Variants in GALNT15 observed in about 807,000 individuals in gnomAD.
The protein encoded by GALNT15 is polypeptide N-acetylgalactosaminyltransferase 15.
A neutral mutation model predicts 66.8 loss-of-function variants in GALNT15; 67 were observed. That is an observed-to-expected ratio of 1.00 (90% CI 0.82 to 1.23). GALNT15 has a LOEUF of 1.23. Ranked by LOEUF, GALNT15 falls within the 50% of genes most tolerant of loss-of-function variation. The pLI is 0.00. For missense variants in GALNT15, 827 were observed against 804.3 expected (o/e 1.03, Z -0.34); for synonymous variants, 313 against 311.5 (o/e 1.00, Z -0.05).
At chr3:16,220,572 ACTT>A (rs2063932147) in intron 8 of GALNT15, among the ~76,000 whole-genome samples, 1 of 152,216 alleles carries the variant, frequency 6.6e-6, no homozygotes. Flanking sequence ...TGGTAGGTCC[ACTT>A]CTTTTCACAA....
In GALNT15 at chr3:16,175,270, T is replaced by C; in HGVS notation, c.119T>C (p.Leu40Pro). ...VAMLHPPHHT[L>P]HQTVTAQASK... The stretch of plus-strand genomic sequence containing the variant: ...ATGTTGCACCCTCCCCACCACACCC[T>C]GCACCAGACTGTCACAGCCCAAGCC... Residue 40 changes from leucine to proline, a missense_variant, in exon 1 of 10, where the codon CTG (leucine) becomes CCG (proline). Transcript: ENST00000339732. This position sits in a 1 kb window ranked among gnomAD's most constrained non-coding sequence, Gnocchi z 5.6. The C allele has an allele frequency of 6.2e-7, 1 of 1,614,134 alleles. No homozygotes were observed. Among genetic ancestry groups the C allele is most frequent in the Non-Finnish European group, 8.5e-7 (1 of 1,180,022 alleles).
Position 16,203,570 on chromosome 3 carries a change from C to G in GALNT15, c.911+2747C>G, listed in dbSNP as rs1374192560. Among the ~76,000 whole-genome samples, 2 of 150,008 alleles carry G rather than the reference C, an allele frequency of 1.3e-5. No individual in the cohort carries two copies. Among genetic ancestry groups the G allele is most frequent in the Non-Finnish European group, 3.0e-5 (2 of 67,298 alleles). ...ACACACACACACACACACACACACA[C>G]ACACACACACACACACACAGTGGGC... On this transcript the variant is annotated intron_variant, in intron 3 of 9. Transcript: ENST00000339732. The surrounding 1 kb of genome is among the most constrained non-coding windows in gnomAD (Gnocchi z 6.2).
rs1438667954 is a variant in GALNT15 at position 16,204,053 on chromosome 3, A to G, written c.911+3230A>G. Among the ~76,000 whole-genome samples the G allele has an allele frequency of 7.2e-6, 1 of 139,558 alleles. No individual in the cohort carries two copies. The highest frequency in any genetic ancestry group is 1.5e-5 in the Non-Finnish European group (1 of 64,918). 91.6% of individuals were successfully genotyped at this position (139,558 alleles called of 152,430 possible). On this transcript the variant is annotated intron_variant, in intron 3 of 9. Transcript: ENST00000339732. The surrounding 1 kb of genome is among the most constrained non-coding windows in gnomAD (Gnocchi z 4.5). ...GAAAAGGGTCTTTAAGAGCTCTTAT[A>G]AAAAAAAAAAAGTGGGGTGGGAGTG...
chr3:16,217,667 A>G (rs568578200), intron 6 of GALNT15, among the ~76,000 whole-genome samples: 114 of 152,324 alleles, frequency 7.5e-4, no homozygotes, highest in African/African-American at 2.7e-3. Context: ...TCTCTCAGAC[A>G]TAATTGTACA....
rs910571592 is a variant in GALNT15, at chr3:16,189,202, G to A, written c.540-6558G>A. 2.6e-4 allele frequency among the ~76,000 whole-genome samples: 39 copies of A among 152,188 alleles called. No individual in the cohort carries two copies. Among genetic ancestry groups the A allele is most frequent in the Admixed American group, 1.3e-4 (2 of 15,284 alleles). On this transcript the variant is annotated intron_variant, in intron 1 of 9. Transcript: ENST00000339732. The surrounding 1 kb of genome is among the most constrained non-coding windows in gnomAD (Gnocchi z 5.1). ...TTTGCTGTTAGGCCAGGGTTCTAGG[G>A]AGATTAGGTCCAACAGGGGATCTAG...
intron 3 of GALNT15, among the ~76,000 whole-genome samples, chr3:16,207,846 C>T (rs2063773744): frequency 6.6e-6 from 1 of 152,120 alleles, no homozygotes; most frequent in South Asian, 2.1e-4. Context: ...AGGGATCAAG[C>T]ACCCCAAAAG....
chr3:16,201,693 A>G (rs951055708), intron 3 of GALNT15, among the ~76,000 whole-genome samples: 2 of 152,240 alleles, frequency 1.3e-5, no homozygotes, highest in African/African-American at 2.4e-5. Context: ...GGACTGCATT[A>G]CATTACCCTG....
the GALNT15 span, among the ~76,000 whole-genome samples, chr3:16,247,164 G>C: frequency 6.6e-6 from 1 of 151,546 alleles, no homozygotes; most frequent in African/African-American, 2.4e-5. Context: ...GCTAAAGGAT[G>C]CTTGCAGACA....
At chr3:16,201,394 G>A (rs918448915) in intron 3 of GALNT15, among the ~76,000 whole-genome samples, 2 of 132,118 alleles carry the variant, frequency 1.5e-5, no homozygotes, top group Non-Finnish European at 3.6e-5. Context: ...TGTTAGCCAG[G>A]ATGGTCTCGA....
chr3:16,179,427 T>A (rs1375889116), intron 1 of GALNT15, among the ~76,000 whole-genome samples: 1 of 152,142 alleles, frequency 6.6e-6, no homozygotes, highest in East Asian at 1.9e-4. Flanking sequence ...CATCTTAAAA[T>A]GGGGAGAACT....
chr3:16,183,669 T>C lies in GALNT15; in HGVS notation c.539+7979T>C, dbSNP rs753354434. Among the ~76,000 whole-genome samples, 1 of 152,104 alleles carries C rather than the reference T, an allele frequency of 6.6e-6. No homozygotes were observed. Among genetic ancestry groups the C allele is most frequent in the African/African-American group, 2.4e-5 (1 of 41,418 alleles). The stretch of plus-strand genomic sequence containing the variant: ...TACATCAGTGGGATCAGGGCTGAGA[T>C]AGAGAAGCCTATCCGAGTGGGGCGC... On this transcript the variant is annotated intron_variant, in intron 1 of 9. Coordinates refer to ENST00000339732, the MANE Select transcript of GALNT15 (RefSeq NM_054110.5). This position sits in a 1 kb window ranked among gnomAD's most constrained non-coding sequence, Gnocchi z 5.2.
intron 3 of GALNT15, among the ~76,000 whole-genome samples, chr3:16,205,948 A>C (rs1233599925): frequency 1.3e-5 from 2 of 152,234 alleles, no homozygotes; most frequent in African/African-American, 2.4e-5. Context: ...ATTGGGAATC[A>C]GGGGTAATAC....
At position 16,219,114 on chromosome 3, in the gene GALNT15, G is replaced by A. The variant is rs946281725; in HGVS notation, c.1393-289G>A. ...TGTGAGCCACCACTCCCGGCCTATT[G>A]TAGTCTTTATAGACTGGAGATTTGA... On this transcript the variant is annotated intron_variant, in intron 6 of 9. Coordinates refer to ENST00000339732, the MANE Select transcript of GALNT15 (RefSeq NM_054110.5). The surrounding 1 kb of genome is among the most constrained non-coding windows in gnomAD (Gnocchi z 4.3). Among the ~76,000 whole-genome samples, 2 of 152,054 alleles carry A rather than the reference G, an allele frequency of 1.3e-5. No individual in the cohort carries two copies. The highest frequency in any genetic ancestry group is 4.8e-5 in the African/African-American group (2 of 41,426).
chr3:16,182,429 C>A lies in GALNT15; in HGVS notation c.539+6739C>A, dbSNP rs2063480501. The stretch of plus-strand genomic sequence containing the variant: ...AGGCTGAGGACCACTGCTTAGGCCA[C>A]TTTAGGTGACTAAGAACAGAGATGC... On this transcript the variant is annotated intron_variant, in intron 1 of 9. Coordinates refer to ENST00000339732, the MANE Select transcript of GALNT15 (RefSeq NM_054110.5). The surrounding 1 kb of genome is among the most constrained non-coding windows in gnomAD (Gnocchi z 6.1). Among the ~76,000 whole-genome samples, 1 of 152,196 alleles carries A rather than the reference C, an allele frequency of 6.6e-6. No homozygotes were observed. Among genetic ancestry groups the A allele is most frequent in the Admixed American group, 6.5e-5 (1 of 15,286 alleles).
chr3:16,219,350 A>G lies in GALNT15; in HGVS notation c.1393-53A>G. ...AGCCACTCCATCCCCAACCATGTGAATTCTGGGCAAGACAAGCTTTCATCA... is the reference window on the plus strand; with the variant it reads ...AGCCACTCCATCCCCAACCATGTGAGTTCTGGGCAAGACAAGCTTTCATCA... On this transcript the variant is annotated intron_variant, in intron 6 of 9. Coordinates refer to ENST00000339732, the MANE Select transcript of GALNT15 (RefSeq NM_054110.5). The surrounding 1 kb of genome is among the most constrained non-coding windows in gnomAD (Gnocchi z 4.3). 6.2e-7 allele frequency: 1 copy of G among 1,602,390 alleles called. No homozygotes were observed. The highest frequency in any genetic ancestry group is 1.1e-5 in the South Asian group (1 of 88,394).
chr3:16,223,706 T>C (rs2124904456), intron 9 of GALNT15, among the ~76,000 whole-genome samples: 1 of 151,632 alleles, frequency 6.6e-6, no homozygotes, highest in Non-Finnish European at 1.5e-5. Flanking sequence ...TTTTTTTTTT[T>C]TTTTGGGACA....
chr3:16,245,395 T>A, the GALNT15 span, among the ~76,000 whole-genome samples: 2 of 152,202 alleles, frequency 1.3e-5, no homozygotes, highest in African/African-American at 4.8e-5. Flanking sequence ...TAGACTAACA[T>A]GGCTGATGCA....
Position 16,229,495 on chromosome 3 carries a change from T to C in GALNT15, c.*1995T>C. 1.0e-6 allele frequency: 1 copy of C among 984,618 alleles called. No homozygotes were observed. The allele number at this position is 984,618 out of a possible 1,614,324, so 61.0% of individuals were successfully genotyped here. ...ATCTAGATAGATTCATTATCCCATC[T>C]AGAGAAGAGACTTTAGTCACTGTCT... On this transcript the variant is annotated 3_prime_UTR_variant, in exon 10 of 10. Coordinates refer to ENST00000339732, the MANE Select transcript of GALNT15 (RefSeq NM_054110.5).
rs577644266 is a variant in GALNT15 at position 16,198,712 on chromosome 3, T to C, written c.707-1907T>C. ...CAACGAAGCATTTTACCAGTGAGAA[T>C]TGCAACAGCCCAGTGACTGGGACTC... is the stretch of plus-strand genomic sequence containing the variant. On this transcript the variant is annotated intron_variant, in intron 2 of 9. Coordinates refer to ENST00000339732, the MANE Select transcript of GALNT15 (RefSeq NM_054110.5). Among the ~76,000 whole-genome samples, 7 of 142,604 alleles carry C rather than the reference T, an allele frequency of 4.9e-5. 2 individuals are homozygous for C. Among genetic ancestry groups the C allele is most frequent in the Non-Finnish European group, 7.8e-5 (5 of 64,328 alleles). 93.6% of individuals were successfully genotyped at this position (142,604 alleles called of 152,430 possible). A position where few individuals can be genotyped will look rare whatever the true frequency, so the allele number is the denominator to read the frequency against.
Sources: gnomAD v4.1 joint callset for allele counts (sites outside exome capture counted in the v4.1 genomes callset) on GRCh38, gnomAD v4.1.1 for gene constraint, Gnocchi (gnomAD v3.1) non-coding constraint, MANE v1.5 for transcripts, NCBI Gene and HGNC (gene_info 2026-07-23, HGNC 2026-07-21) for gene names.